Variants in LIN54 observed in about 807,000 individuals in gnomAD.
The protein encoded by LIN54 is lin-54 DREAM MuvB core complex component.
A neutral mutation model predicts 78.7 loss-of-function variants in LIN54; 9 were observed. The ratio of observed to expected loss-of-function variants is 0.11; its 90% CI spans 0.07 to 0.20. The LOEUF is 0.20. Among genes scored for constraint, LIN54 ranks in the 10% least tolerant of loss-of-function variants. LIN54 has a pLI of 1.00. For missense variants in LIN54, 573 were observed against 889.9 expected (o/e 0.64, Z 4.53); for synonymous variants, 269 against 318.4 (o/e 0.84, Z 1.65).
chr4:82,961,603 A>G (rs1225893641), intron 4 of LIN54, among the ~76,000 whole-genome samples: 1 of 152,222 alleles, frequency 6.6e-6, no homozygotes, highest in Non-Finnish European at 1.5e-5. Context: ...GATAATTTGC[A>G]TAGACTCTCA....
In LIN54 at chr4:82,927,878, A is replaced by T; in HGVS notation, c.*224T>A. ...CCAAGCAAATTAAAAAATCTATATA[A>T]TAAAGAAAAATTCAATTTAGAAGGG... is the stretch of plus-strand genomic sequence containing the variant. On this transcript the variant is annotated 3_prime_UTR_variant, in exon 13 of 13. Transcript: ENST00000340417. 2.2e-6 allele frequency: 1 copy of T among 458,802 alleles called. No individual in the cohort carries two copies. Among genetic ancestry groups the T allele is most frequent in the Non-Finnish European group, 3.8e-6 (1 of 260,236 alleles). 28.4% of individuals were successfully genotyped at this position (458,802 alleles called of 1,614,324 possible).
At chr4:82,971,357 T>A (rs1725632732) in intron 3 of LIN54, among the ~76,000 whole-genome samples, 1 of 128,418 alleles carries the variant, frequency 7.8e-6, no homozygotes, top group Non-Finnish European at 1.6e-5. Flanking sequence ...GTGTCATTCT[T>A]GGGCCACAGC....
intron 3 of LIN54, among the ~76,000 whole-genome samples, chr4:82,972,336 T>TA (rs1725733358): frequency 6.6e-6 from 1 of 152,212 alleles, no homozygotes; most frequent in Non-Finnish European, 1.5e-5. Flanking sequence ...TTAAAGTATT[T>TA]TCAATACAAT....
chr4:82,947,219 A>ATG lies in LIN54; in HGVS notation c.952-746_952-745insCA, dbSNP rs1279579572. Among the ~76,000 whole-genome samples the ATG allele has an allele frequency of 2.9e-3, 34 of 11,704 alleles. No homozygotes were observed. In the East Asian group the frequency reaches 0.052, roughly 18 times the overall value. The allele number at this position is 11,704 out of a possible 152,430, so 7.7% of individuals were successfully genotyped here. On this transcript the variant is annotated intron_variant, in intron 4 of 12. Transcript: ENST00000340417. Reference sequence around the variant, plus strand: ...GTCAAAAAAAAATTTATATATATATATATATATATATATATATTTTTTTTT... The same window carrying ATG: ...GTCAAAAAAAAATTTATATATATATATGTATATATATATATATATTTTTTTTT...
At chr4:83,002,929 C>T (rs1357751563) in intron 1 of LIN54, among the ~76,000 whole-genome samples, 1 of 152,130 alleles carries the variant, frequency 6.6e-6, no homozygotes, top group Non-Finnish European at 1.5e-5. Flanking sequence ...TCCCTAATCC[C>T]CACATTGTTC....
chr4:82,965,740 G>A (rs2126066081), intron 4 of LIN54, among the ~76,000 whole-genome samples: 1 of 152,304 alleles, frequency 6.6e-6, no homozygotes, highest in Admixed American at 6.5e-5. Context: ...GGAGATGAAA[G>A]ATGATCTCAG....
chr4:82,999,901 G>C (rs753600826), intron 1 of LIN54, among the ~76,000 whole-genome samples: 11 of 150,596 alleles, frequency 7.3e-5, no homozygotes, highest in Admixed American at 6.6e-5. Context: ...TTTTTGTTTT[G>C]TTGTTTCTTG....
In LIN54 at chr4:83,010,760, T is replaced by A. The variant is rs1405843207; in HGVS notation, c.-309A>T. 4 of 1,189,790 alleles carry A rather than the reference T, an allele frequency of 3.4e-6. No homozygotes were observed. Among genetic ancestry groups the A allele is most frequent in the Non-Finnish European group, 4.2e-6 (4 of 961,816 alleles). The allele number at this position is 1,189,790 out of a possible 1,614,324, so 73.7% of individuals were successfully genotyped here. On this transcript the variant is annotated 5_prime_UTR_variant, in exon 1 of 13. The change abolishes an upstream ATG in the 5' untranslated region. Coordinates refer to ENST00000340417, the MANE Select transcript of LIN54 (RefSeq NM_194282.4). ...CGCCATTTTCACCTCGTCATCACCA[T>A]CACAGCTCAGCAGCTTCCCCGACAG...
intron 1 of LIN54, among the ~76,000 whole-genome samples, chr4:82,990,562 C>T (rs1291928198): frequency 6.6e-6 from 1 of 152,038 alleles, no homozygotes; most frequent in Non-Finnish European, 1.5e-5. Context: ...CGGCTCATTG[C>T]AAGCTCCGCC....
intron 11 of LIN54, among the ~76,000 whole-genome samples, chr4:82,933,599 A>G (rs537543338): frequency 2.6e-5 from 4 of 152,380 alleles, no homozygotes; most frequent in South Asian, 2.1e-4. Flanking sequence ...ATAAGCCCAC[A>G]GCTAATTTAC....
chr4:83,010,577 C>A lies in LIN54; in HGVS notation c.-126G>T. 1.6e-6 allele frequency: 2 copies of A among 1,220,808 alleles called. No homozygotes were observed. Among genetic ancestry groups the A allele is most frequent in the African/African-American group, 3.1e-5 (2 of 63,956 alleles). 75.6% of individuals were successfully genotyped at this position (1,220,808 alleles called of 1,614,324 possible). On this transcript the variant is annotated 5_prime_UTR_variant, in exon 1 of 13. Transcript: ENST00000340417. The stretch of plus-strand genomic sequence containing the variant: ...CCGAGCCCCGGCGGGGCTTGTTTTG[C>A]CCGTGCACGATAGCTCTGGCCAGCA...
At chr4:82,991,535 A>G (rs1022835209) in intron 1 of LIN54, among the ~76,000 whole-genome samples, 1 of 152,078 alleles carries the variant, frequency 6.6e-6, no homozygotes, top group African/African-American at 2.4e-5. Flanking sequence ...CCCTTACTAC[A>G]CTTGCTAGGA....
chr4:83,011,194 G>C (rs912678099), upstream of LIN54, among the ~76,000 whole-genome samples: 7 of 152,186 alleles, frequency 4.6e-5, no homozygotes, highest in African/African-American at 1.7e-4. Context: ...AAAACACTGT[G>C]AAAGACCTTT....
chr4:82,972,549 C>A (rs1047350399), intron 3 of LIN54, among the ~76,000 whole-genome samples: 1 of 152,044 alleles, frequency 6.6e-6, no homozygotes, highest in Non-Finnish European at 1.5e-5. Context: ...AAAGCTAATA[C>A]CTGTGAGATA....
intron 4 of LIN54, among the ~76,000 whole-genome samples, chr4:82,954,399 A>ATTATTTAT (rs10523473): frequency 0.5 from 72,822 of 145,082 alleles, 21,339 homozygotes; most frequent in Admixed American, 0.65. Flanking sequence ...TTTATATGAG[A>ATTATTTAT]TTATTTATTT....
intron 1 of LIN54, among the ~76,000 whole-genome samples, chr4:82,999,981 C>T (rs1219713843): frequency 6.6e-6 from 1 of 152,038 alleles, no homozygotes; most frequent in African/African-American, 2.4e-5. Flanking sequence ...CAGCCTCGAC[C>T]TCCTGGGCTC....
chr4:82,989,784 G>C (rs6858445), intron 1 of LIN54, among the ~76,000 whole-genome samples: 296 of 152,206 alleles, frequency 1.9e-3, no homozygotes, highest in African/African-American at 6.8e-3. Flanking sequence ...TCATTTTCAA[G>C]CATTAACCCC....
At chr4:82,983,597 T>C (rs531535034) in intron 2 of LIN54, among the ~76,000 whole-genome samples, 8 of 152,312 alleles carry the variant, frequency 5.3e-5, no homozygotes, top group Non-Finnish European at 7.3e-5. Context: ...TCAAGCCCAG[T>C]TGGTACAACT....
At chr4:82,931,237 T>TA (rs1721926528) in intron 11 of LIN54, 92 bp from the exon 12 acceptor site, 11 of 877,350 alleles carry the variant, frequency 1.3e-5, no homozygotes, top group Non-Finnish European at 1.7e-5. Context: ...CTAATAGCAT[T>TA]ACCTGGTCAA....
Sources: allele counts gnomAD v4.1 joint callset (sites outside exome capture counted in the v4.1 genomes callset), GRCh38; gene constraint gnomAD v4.1.1; transcripts MANE v1.5; gene names NCBI Gene and HGNC (gene_info 2026-07-23, HGNC 2026-07-21).